PODXL: variants seen among roughly 807,000 people sequenced by gnomAD.
PODXL encodes the protein podocalyxin like.
In PODXL, 20 loss-of-function variants were observed where a neutral mutation model predicts 48.9. That is an observed-to-expected ratio of 0.41 (90% CI 0.29 to 0.59). PODXL has a LOEUF of 0.59. PODXL is among the 20% of genes least tolerant of loss of function. The probability of loss-of-function intolerance (pLI) is 0.31; values close to 1 mark genes in which losing one functional copy is unlikely to be tolerated. For missense variants in PODXL, 606 were observed against 675.1 expected (o/e 0.90, Z 1.13); for synonymous variants, 295 against 287.4 (o/e 1.03, Z -0.27).
Position 131,511,227 on chromosome 7 carries a change from C to A in PODXL, c.307G>T (p.Val103Phe), listed in dbSNP as rs1255228615. 3 of 1,614,052 alleles carry A rather than the reference C, an allele frequency of 1.9e-6. No individual in the cohort carries two copies. The Admixed American group carries it at 5.0e-5, about 27-fold the overall frequency. Residue 103 changes from valine (V) to phenylalanine (F), a missense_variant, in exon 2 of 9, where the codon GTC becomes TTC. Coordinates refer to ENST00000378555, the MANE Select transcript of PODXL (RefSeq NM_001018111.3). Reference sequence around the variant, plus strand: ...CCTCCTCTAGCCACGGTAGTGTTGACTGGGCCTGAGACTTGCTGAGCCAGG... The same window carrying A: ...CCTCCTCTAGCCACGGTAGTGTTGAATGGGCCTGAGACTTGCTGAGCCAGG... ...TTLAQQVSGP[V>F]NTTVARGGGS...
At chr7:131,544,637 CCGCACGCACGCCCTGTACTA>C (rs66675436) in intron 1 of PODXL, among the ~76,000 whole-genome samples, 106,851 of 146,112 alleles carry the variant, frequency 0.73, 42,171 homozygotes, top group East Asian at 0.95. Flanking sequence ...AGCAGGGCCT[CCGCACGCACGCCCTGTACTA>C]CGCACGCACG....
At chr7:131,523,115 A>G (rs1798114864) in intron 1 of PODXL, among the ~76,000 whole-genome samples, 1 of 152,206 alleles carries the variant, frequency 6.6e-6, no homozygotes. Flanking sequence ...GCTATTTTCC[A>G]AAGTGGCTAC....
intron 1 of PODXL, among the ~76,000 whole-genome samples, chr7:131,525,610 A>C (rs1428667552): frequency 6.6e-6 from 1 of 151,768 alleles, no homozygotes; most frequent in South Asian, 2.1e-4. Context: ...CAAAAAAAAA[A>C]ACACAAAAAA....
At chr7:131,515,760 A>G (rs1023464275) in intron 1 of PODXL, among the ~76,000 whole-genome samples, 8 of 152,066 alleles carry the variant, frequency 5.3e-5, no homozygotes, top group African/African-American at 1.9e-4. Flanking sequence ...CTACCCATAA[A>G]TCTCCATCTT....
At chr7:131,519,816 G>A (rs1266629027) in intron 1 of PODXL, among the ~76,000 whole-genome samples, 2 of 152,066 alleles carry the variant, frequency 1.3e-5, no homozygotes, top group Non-Finnish European at 2.9e-5. Context: ...ACAATCTCCT[G>A]GGGTCAAGCA....
At chr7:131,523,499 G>A (rs1798121452) in intron 1 of PODXL, among the ~76,000 whole-genome samples, 2 of 151,646 alleles carry the variant, frequency 1.3e-5, no homozygotes, top group Admixed American at 1.3e-4. Flanking sequence ...TGGCTAACAC[G>A]GTGAAACCCT....
chr7:131,548,528 C>G (rs1798619548), intron 1 of PODXL, among the ~76,000 whole-genome samples: 1 of 152,216 alleles, frequency 6.6e-6, no homozygotes. Flanking sequence ...GCTTCTTGTT[C>G]CTTCCTTTTT....
rs1164068733 is a variant in PODXL, at chr7:131,504,053, C to T, written c.*258G>A. The T allele has an allele frequency of 3.7e-6, 2 of 535,238 alleles. No homozygotes were observed. The highest frequency in any genetic ancestry group is 3.3e-5 in the East Asian group (1 of 30,492). 33.2% of individuals were successfully genotyped at this position (535,238 alleles called of 1,614,324 possible). On this transcript the variant is annotated 3_prime_UTR_variant, in exon 9 of 9. Transcript: ENST00000378555. ...ACTAGTTCATCTATAAAGTCCCTTA[C>T]GTGGCTTTTTCTTGATCTCCCTCAT...
chr7:131,556,065 G>A (rs1226413889), intron 1 of PODXL, among the ~76,000 whole-genome samples, 195 bp downstream of exon 1: 1 of 152,240 alleles, frequency 6.6e-6, no homozygotes, highest in African/African-American at 2.4e-5. Context: ...CTACGCCCAG[G>A]CCCTGCACCT....
intron 1 of PODXL, among the ~76,000 whole-genome samples, chr7:131,520,841 G>A (rs1562908197): frequency 6.6e-6 from 1 of 152,212 alleles, no homozygotes. Context: ...AGCAGAGACT[G>A]GAAAGAACTT....
chr7:131,515,629 C>T (rs1797982391), intron 1 of PODXL, among the ~76,000 whole-genome samples: 1 of 152,176 alleles, frequency 6.6e-6, no homozygotes, highest in Non-Finnish European at 1.5e-5. Context: ...TCTCGAACTA[C>T]TGACCTCAGA....
rs1371954733 is a variant in PODXL at position 131,506,032 on chromosome 7, C to T, written c.1315G>A (p.Gly439Arg). Residue 439 changes from glycine to arginine, a missense_variant, in exon 8 of 9, where the codon GGG (glycine) becomes AGG (arginine). Gly to Arg is a moderately radical substitution (Grantham distance 125, BLOSUM62 -2). Transcript: ENST00000378555. The stretch of plus-strand genomic sequence containing the variant: ...TCCCCTAGCTTCATGTCACTGACCC[C>T]TGCCTGCATGGGAAGTGGCAGAGAA... ...KDKWDELKEAGVSDMKLGDQG... is the reference protein window; with the variant it reads ...KDKWDELKEARVSDMKLGDQG... The T allele has an allele frequency of 1.2e-6, 2 of 1,610,666 alleles. No homozygotes were observed. The highest frequency in any genetic ancestry group is 2.2e-5 in the South Asian group (2 of 90,396).
Position 131,511,167 on chromosome 7 carries a change from G to C in PODXL, c.367C>G (p.Pro123Ala). Residue 123 changes from proline (P) to alanine (A), a missense_variant, in exon 2 of 9, where the codon CCC becomes GCC. Pro to Ala is a conservative substitution (Grantham distance 27). Transcript: ENST00000378555. The stretch of plus-strand genomic sequence containing the variant: ...GTGTCTGCACTTTTTGTGCTCTTGG[G>C]GCTCTCGATGGTGGTAGTAGGGTTG... ...SGNPTTTIES[P>A]KSTKSADTTT... 6.2e-7 allele frequency: 1 copy of C among 1,613,994 alleles called. No homozygotes were observed. Among genetic ancestry groups the C allele is most frequent in the Non-Finnish European group, 8.5e-7 (1 of 1,180,008 alleles).
At chr7:131,547,842 C>T (rs1253573105) in intron 1 of PODXL, among the ~76,000 whole-genome samples, 5 of 152,230 alleles carry the variant, frequency 3.3e-5, no homozygotes, top group South Asian at 2.1e-4. Context: ...CACTGGCCCC[C>T]GGCTGCTGCT....
chr7:131,537,674 A>G (rs922989828), intron 1 of PODXL, among the ~76,000 whole-genome samples: 1 of 143,634 alleles, frequency 7.0e-6, no homozygotes, highest in Admixed American at 7.6e-5. Flanking sequence ...CACACATTTA[A>G]CCAGCACCAG....
intron 1 of PODXL, among the ~76,000 whole-genome samples, chr7:131,520,767 C>T (rs780543355): frequency 3.3e-5 from 5 of 152,152 alleles, no homozygotes; most frequent in African/African-American, 9.7e-5. Flanking sequence ...ATACATTTAG[C>T]GTCAAAGTTA....
intron 1 of PODXL, among the ~76,000 whole-genome samples, chr7:131,544,266 G>A (rs1798527835): frequency 6.6e-6 from 1 of 152,208 alleles, no homozygotes; most frequent in East Asian, 1.9e-4. Context: ...AGACCCCAGG[G>A]CCAGTTATAG....
intron 5 of PODXL, among the ~76,000 whole-genome samples, chr7:131,508,545 C>T (rs1050967206): frequency 6.6e-6 from 1 of 152,106 alleles, no homozygotes; most frequent in African/African-American, 2.4e-5. Flanking sequence ...GTGTAAGCCA[C>T]CACACCTGGC....
At chr7:131,546,672 GTCGAGA>G (rs1470597861) in intron 1 of PODXL, among the ~76,000 whole-genome samples, 1 of 140,888 alleles carries the variant, frequency 7.1e-6, no homozygotes, top group East Asian at 2.2e-4. Flanking sequence ...GTTGCAGTGA[GTCGAGA>G]TCGTGCCACT....
Sources: gnomAD v4.1 joint callset for allele counts (sites outside exome capture counted in the v4.1 genomes callset) on GRCh38, gnomAD v4.1.1 for gene constraint, MANE v1.5 for transcripts, NCBI Gene and HGNC (gene_info 2026-07-23, HGNC 2026-07-21) for gene names.